VWA5B1: variants seen among roughly 807,000 people sequenced by gnomAD.
VWA5B1 encodes von Willebrand factor A domain-containing protein 5B1.
In VWA5B1, 115 loss-of-function variants were observed where a neutral mutation model predicts 118.2. That is an observed-to-expected ratio of 0.97 (90% CI 0.84 to 1.14). The LOEUF (loss-of-function observed/expected upper bound fraction) is 1.14. Among genes scored for constraint, VWA5B1 ranks in the 50% most tolerant of loss-of-function variants. VWA5B1 has a pLI of 0.00. For synonymous variants in VWA5B1, 682 were observed against 658.4 expected, an observed-to-expected ratio of 1.04 and a Z score of -0.55; for missense variants, 1,596 against 1,603.8, an observed-to-expected ratio of 1.00 and a Z score of 0.08.
At chr1:20,347,652 A>G (rs1467832744) in intron 17 of VWA5B1, among the ~76,000 whole-genome samples, 1 of 151,714 alleles carries the variant, frequency 6.6e-6, no homozygotes, top group Non-Finnish European at 1.5e-5. Flanking sequence ...TGGTAGAGAT[A>G]GGGCCTCGCT....
At chr1:20,309,044 G>T (rs989442885) in intron 1 of VWA5B1, among the ~76,000 whole-genome samples, 4 of 152,070 alleles carry the variant, frequency 2.6e-5, no homozygotes, top group Non-Finnish European at 5.9e-5. Flanking sequence ...CTTCTTCAAG[G>T]CATGTGATTA....
At position 20,319,421 on chromosome 1, in the gene VWA5B1, T is replaced by A. The variant is rs933994515; in HGVS notation, c.881T>A (p.Met294Lys). The change falls in exon 7 of 22, where the codon ATG becomes AAG. Residue 294 changes from methionine (M) to lysine (K), a missense_variant. Coordinates refer to ENST00000289815, the MANE Select transcript of VWA5B1 (RefSeq NM_001039500.3). The stretch of plus-strand genomic sequence containing the variant: ...CATGTCCTGATAGAGAAAGGGGACA[T>A]GACCCTGGGAGAGTTTGACCAGCAC... ...MPHVLIEKGD[M>K]TLGEFDQHLK... 1 of 1,551,634 alleles carries A rather than the reference T, an allele frequency of 6.4e-7. No individual in the cohort carries two copies. The highest frequency in any genetic ancestry group is 8.7e-7 in the Non-Finnish European group (1 of 1,147,014).
intron 14 of VWA5B1, among the ~76,000 whole-genome samples, chr1:20,340,000 C>T (rs2089832401): frequency 6.6e-6 from 1 of 152,186 alleles, no homozygotes; most frequent in African/African-American, 2.4e-5. Flanking sequence ...GGCCCAGCAC[C>T]TGGCACCCAG....
intron 7 of VWA5B1, among the ~76,000 whole-genome samples, chr1:20,320,689 G>A (rs2089183093): frequency 6.6e-6 from 1 of 152,224 alleles, no homozygotes; most frequent in African/African-American, 2.4e-5. Context: ...ACAAACTCCA[G>A]GGATGACAGC....
At position 20,356,451 on chromosome 1, in the gene VWA5B1, C is replaced by G. The variant is rs1301090652; in HGVS notation, c.*2188C>G. 6.6e-6 allele frequency among the ~76,000 whole-genome samples: 1 copy of G among 152,140 alleles called. No individual in the cohort carries two copies. The highest frequency in any genetic ancestry group is 1.5e-5 in the Non-Finnish European group (1 of 68,032). On this transcript the variant is annotated 3_prime_UTR_variant, in exon 22 of 22. Coordinates refer to ENST00000289815, the MANE Select transcript of VWA5B1 (RefSeq NM_001039500.3). ...GGGCCTCTTTCTTCCTCTACATAAC[C>G]AGGCTGAACTGGGCTGTCCAGCACC...
Position 20,336,503 on chromosome 1 carries a change from G to T in VWA5B1, c.1942+17G>T. On this transcript the variant is annotated intron_variant, in intron 13 of 21. Transcript: ENST00000289815. Reference sequence around the variant, plus strand: ...CCAAGCACGGTTCGTCTGCGGCTCTGATGATTGCTGCCTTACATTGAGCAC... The same window carrying T: ...CCAAGCACGGTTCGTCTGCGGCTCTTATGATTGCTGCCTTACATTGAGCAC... 1 of 1,348,988 alleles carries T rather than the reference G, an allele frequency of 7.4e-7. No individual in the cohort carries two copies. The highest frequency in any genetic ancestry group is 2.2e-5 in the South Asian group (1 of 45,906). The allele number at this position is 1,348,988 out of a possible 1,614,324, so 83.6% of individuals were successfully genotyped here. A position where few individuals can be genotyped will look rare whatever the true frequency, so the allele number is the denominator to read the frequency against.
rs574142153 is a variant in VWA5B1 at position 20,347,323 on chromosome 1, C to CT, written c.2765-921dup. ...GAGAATGGGCTACAGTATGCAGCTT[C>CT]TCCAAAACTTGTTTCCCAACACAAC... On this transcript the variant is annotated intron_variant, in intron 17 of 21. Coordinates refer to ENST00000289815, the MANE Select transcript of VWA5B1 (RefSeq NM_001039500.3). Among the ~76,000 whole-genome samples the CT allele has an allele frequency of 1.9e-4, 29 of 152,352 alleles. 1 individual carries two copies. The highest frequency in any genetic ancestry group is 1.5e-3 in the East Asian group (8 of 5,190).
At chr1:20,293,747 C>T (rs932002946) in intron 1 of VWA5B1, among the ~76,000 whole-genome samples, 41 of 152,166 alleles carry the variant, frequency 2.7e-4, no homozygotes, top group Admixed American at 7.8e-4. Context: ...GTCTTTTCAT[C>T]CTATGAAACC....
intron 4 of VWA5B1, among the ~76,000 whole-genome samples, chr1:20,316,875 G>A (rs1213321036): frequency 1.3e-5 from 2 of 152,188 alleles, no homozygotes; most frequent in African/African-American, 2.4e-5. Context: ...CCTAGGCTAG[G>A]AGATCTGGGC....
intron 2 of VWA5B1, among the ~76,000 whole-genome samples, chr1:20,310,956 C>A (rs2088830895): frequency 6.6e-6 from 1 of 152,148 alleles, no homozygotes; most frequent in Admixed American, 6.5e-5. Context: ...TGGATTCAGC[C>A]CCAGCCAACT....
chr1:20,351,692 G>A lies in VWA5B1; in HGVS notation c.3024-363G>A, dbSNP rs539347913. Among the ~76,000 whole-genome samples, 15 of 152,168 alleles carry A rather than the reference G, an allele frequency of 9.9e-5. 1 individual carries two copies. The East Asian group carries it at 2.7e-3, about 28-fold the overall frequency. On this transcript the variant is annotated intron_variant, in intron 20 of 21. Transcript: ENST00000289815. Reference sequence around the variant, plus strand: ...TAAAAAATTAGCCAGACATGGGTGTGTGCCTGTAGTCCAGGAGACTGAGGT... The same window carrying A: ...TAAAAAATTAGCCAGACATGGGTGTATGCCTGTAGTCCAGGAGACTGAGGT...
At chr1:20,347,318 A>C (rs1409821928) in intron 17 of VWA5B1, among the ~76,000 whole-genome samples, 3 of 152,250 alleles carry the variant, frequency 2.0e-5, no homozygotes, top group African/African-American at 7.2e-5. Context: ...TACAGTATGC[A>C]GCTTCTCCAA....
chr1:20,344,089 T>G (rs963801555), intron 16 of VWA5B1, among the ~76,000 whole-genome samples: 9 of 149,190 alleles, frequency 6.0e-5, no homozygotes, highest in African/African-American at 1.2e-4. Flanking sequence ...AACACACGCA[T>G]AGCCCAGGGC....
At chr1:20,314,749 C>A (rs924039264) in intron 4 of VWA5B1, among the ~76,000 whole-genome samples, 157 bp downstream of exon 4, 2 of 152,010 alleles carry the variant, frequency 1.3e-5, no homozygotes, top group Non-Finnish European at 2.9e-5. Flanking sequence ...TTCTCCCCTG[C>A]TCACTTTTAG....
intron 11 of VWA5B1, among the ~76,000 whole-genome samples, chr1:20,332,487 A>AATAAAATAAT (rs1410133805): frequency 1.3e-5 from 1 of 77,262 alleles, no homozygotes; most frequent in African/African-American, 5.5e-5. Flanking sequence ...CTCAAAATAA[A>AATAAAATAAT]ATAAAATAAA....
intron 17 of VWA5B1, among the ~76,000 whole-genome samples, chr1:20,345,858 C>A (rs542920875): frequency 2.6e-5 from 4 of 152,230 alleles, no homozygotes; most frequent in African/African-American, 9.6e-5. Flanking sequence ...TTTCTTCAAC[C>A]GGGACAATAT....
chr1:20,346,496 T>A (rs1209482232), intron 17 of VWA5B1, among the ~76,000 whole-genome samples: 1 of 152,262 alleles, frequency 6.6e-6, no homozygotes, highest in Non-Finnish European at 1.5e-5. Context: ...TTTGTGCATC[T>A]GTCTGGTTAT....
At chr1:20,351,969 C>A in intron 20 of VWA5B1, 86 bp from the exon 21 acceptor site, 1 of 1,016,740 alleles carries the variant, frequency 9.8e-7, no homozygotes, top group South Asian at 1.6e-5. Context: ...CCATCTATTG[C>A]ATTCCTTCTG....
At chr1:20,327,123 T>TG (rs1290407202) in intron 8 of VWA5B1, among the ~76,000 whole-genome samples, 1 of 152,108 alleles carries the variant, frequency 6.6e-6, no homozygotes, top group African/African-American at 2.4e-5. Flanking sequence ...GGTCTCCTGC[T>TG]GGGGTTACAT....
Sources: allele counts gnomAD v4.1 joint callset (sites outside exome capture counted in the v4.1 genomes callset), GRCh38; gene constraint gnomAD v4.1.1; transcripts MANE v1.5; gene names NCBI Gene and HGNC (gene_info 2026-07-23, HGNC 2026-07-21).